The following HACE1 variants were observed in gnomAD, a reference collection of about 807,000 sequenced individuals.
HACE1 encodes the protein HECT domain and ankyrin repeat containing E3 ubiquitin protein ligase 1, also known as E3 ubiquitin-protein ligase HACE1.
HACE1 carries 73 observed loss-of-function variants against 118.4 expected under a neutral mutation model. The ratio of observed to expected loss-of-function variants is 0.62; its 90% CI spans 0.51 to 0.75. HACE1 has a LOEUF of 0.75. Among genes scored for constraint, HACE1 ranks in the 30% least tolerant of loss-of-function variants. HACE1 has a pLI of 0.00. For synonymous variants in HACE1, 368 were observed against 374.8 expected (o/e 0.98, Z 0.21); for missense variants, 749 against 1,102.2 (o/e 0.68, Z 4.54).
chr6:104,738,560 G>T (rs1776220623), intron 22 of HACE1, among the ~76,000 whole-genome samples: 1 of 149,456 alleles, frequency 6.7e-6, no homozygotes, highest in Non-Finnish European at 1.5e-5. Context: ...CAGGAAGAAA[G>T]GGTATCAGCG....
chr6:104,730,006 T>C (rs1412242776), intron 23 of HACE1, among the ~76,000 whole-genome samples: 2 of 152,108 alleles, frequency 1.3e-5, no homozygotes, highest in Non-Finnish European at 2.9e-5. Context: ...AAATAAGCAA[T>C]AGGGCAATTT....
intron 4 of HACE1, among the ~76,000 whole-genome samples, chr6:104,844,955 C>T (rs1775504637): frequency 6.6e-6 from 1 of 152,152 alleles, no homozygotes; most frequent in East Asian, 1.9e-4. Flanking sequence ...TGAGCCACCA[C>T]ACCCGGCCCC....
At chr6:104,766,359 T>G (rs981030876) in intron 19 of HACE1, among the ~76,000 whole-genome samples, 2 of 152,156 alleles carry the variant, frequency 1.3e-5, no homozygotes, top group Admixed American at 6.5e-5. Context: ...CCCCTGGTCA[T>G]ATGAGATCAG....
chr6:104,810,569 G>C (rs544333203), intron 7 of HACE1, among the ~76,000 whole-genome samples: 1 of 152,178 alleles, frequency 6.6e-6, no homozygotes, highest in South Asian at 2.1e-4. Flanking sequence ...ATATGTAGGT[G>C]TGTATATATT....
rs1243199488 is a variant in HACE1 at position 104,729,288 on chromosome 6, T to A, written c.*374A>T. 4.2e-6 allele frequency: 1 copy of A among 238,364 alleles called. No individual in the cohort carries two copies. The highest frequency in any genetic ancestry group is 2.3e-5 in the African/African-American group (1 of 42,912). 14.8% of individuals were successfully genotyped at this position (238,364 alleles called of 1,614,324 possible). A position where few individuals can be genotyped will look rare whatever the true frequency, so the allele number is the denominator to read the frequency against. On this transcript the variant is annotated 3_prime_UTR_variant, in exon 24 of 24. Coordinates refer to ENST00000262903, the MANE Select transcript of HACE1 (RefSeq NM_020771.4). ...AACACACCAGCTGGATGACCTCATATAATATATCAGAAATTAGGAGAAAAC... is the reference window on the plus strand; with the variant it reads ...AACACACCAGCTGGATGACCTCATAAAATATATCAGAAATTAGGAGAAAAC...
chr6:104,831,632 G>A (rs1338874495), intron 6 of HACE1, among the ~76,000 whole-genome samples: 34 of 150,134 alleles, frequency 2.3e-4, no homozygotes, highest in Non-Finnish European at 4.4e-5. Flanking sequence ...GGTGGCTCAC[G>A]CCTGTAATCC....
At position 104,774,333 on chromosome 6, in the gene HACE1, G is replaced by A. The variant is rs1203120194; in HGVS notation, c.1865-2259C>T. On this transcript the variant is annotated intron_variant, in intron 17 of 23. Transcript: ENST00000262903. The stretch of plus-strand genomic sequence containing the variant: ...TCTCGATCTCCTGACCTCGTGATCC[G>A]CCCGCCTCGGCCTCCCAAAGTGCTG... 2.3e-4 allele frequency among the ~76,000 whole-genome samples: 25 copies of A among 110,228 alleles called. 3 individuals are homozygous for A. The highest frequency in any genetic ancestry group is 1.7e-3 in the Admixed American group (19 of 11,388). 72.3% of individuals were successfully genotyped at this position (110,228 alleles called of 152,430 possible).
chr6:104,764,947 G>A (rs1779813245), intron 19 of HACE1, among the ~76,000 whole-genome samples: 1 of 152,112 alleles, frequency 6.6e-6, no homozygotes, highest in Non-Finnish European at 1.5e-5. Context: ...CCAAGCACTG[G>A]CAACAGCATA....
intron 4 of HACE1, among the ~76,000 whole-genome samples, chr6:104,844,414 G>A (rs548323739): frequency 1.6e-4 from 24 of 151,040 alleles, no homozygotes; most frequent in Admixed American, 2.6e-4. Context: ...TGCGATCTCG[G>A]CTCACTGCAA....
intron 17 of HACE1, among the ~76,000 whole-genome samples, chr6:104,772,506 A>C (rs952769123): frequency 2.0e-5 from 3 of 152,194 alleles, no homozygotes; most frequent in Non-Finnish European, 4.4e-5. Context: ...CCAGTGCAGT[A>C]AGTATTTGCT....
At position 104,729,026 on chromosome 6, in the gene HACE1, G is replaced by T. The variant is rs1008936601; in HGVS notation, c.*636C>A. The stretch of plus-strand genomic sequence containing the variant: ...TATGGAAAACTGGCCACTGAAAGAT[G>T]CAAATAATTCATACAATATAGCGTA... On this transcript the variant is annotated 3_prime_UTR_variant, in exon 24 of 24. Coordinates refer to ENST00000262903, the MANE Select transcript of HACE1 (RefSeq NM_020771.4). 1.3e-5 allele frequency: 2 copies of T among 152,334 alleles called. No homozygotes were observed. The highest frequency in any genetic ancestry group is 4.8e-5 in the African/African-American group (2 of 41,364). 9.4% of individuals were successfully genotyped at this position (152,334 alleles called of 1,614,324 possible). A position where few individuals can be genotyped will look rare whatever the true frequency, so the allele number is the denominator to read the frequency against.
At chr6:104,849,941 C>T (rs932793626) in intron 3 of HACE1, among the ~76,000 whole-genome samples, 2 of 144,852 alleles carry the variant, frequency 1.4e-5, no homozygotes, top group African/African-American at 5.0e-5. Context: ...TAAGCCACCA[C>T]GCCCGTCCTT....
chr6:104,856,097 C>T (rs1045280734), intron 1 of HACE1, among the ~76,000 whole-genome samples: 2 of 152,162 alleles, frequency 1.3e-5, no homozygotes, highest in Non-Finnish European at 2.9e-5. Context: ...TTGCCAGATA[C>T]TTCCTTGTCT....
intron 5 of HACE1, among the ~76,000 whole-genome samples, chr6:104,838,553 T>C (rs1774772505): frequency 6.6e-6 from 1 of 151,902 alleles, no homozygotes; most frequent in Non-Finnish European, 1.5e-5. Context: ...TATACAAAAA[T>C]CAAACAAAAA....
Position 104,744,550 on chromosome 6 carries a change from A to T in HACE1, c.2404T>A (p.Tyr802Asn). 6.2e-7 allele frequency: 1 copy of T among 1,603,562 alleles called. No individual in the cohort carries two copies. Residue 802 changes from tyrosine to asparagine, a missense_variant, in exon 21 of 24, where the codon TAC becomes AAC. Tyr to Asn is a moderately radical substitution (Grantham distance 143, BLOSUM62 -2). This residue lies in a region of HACE1 where 165 missense variants were observed against 229.9 expected (regional missense o/e 0.72). Transcript: ENST00000262903. ...DVSDWIKNTE[Y>N]TSGYEREDPV... ...TCTTCTCTTTCATAGCCACTTGTGT[A>T]TTCTGTATTTTTTATCCAATCACTC...
At chr6:104,784,231 T>C in intron 13 of HACE1, 58 bp from the exon 14 acceptor site, 1 of 1,014,876 alleles carries the variant, frequency 9.9e-7, no homozygotes, top group Non-Finnish European at 1.6e-6. Flanking sequence ...TTAAGTGAAA[T>C]GCAAATTCAG....
chr6:104,846,620 G>C (rs1337018351), intron 4 of HACE1, among the ~76,000 whole-genome samples: 1 of 152,170 alleles, frequency 6.6e-6, no homozygotes, highest in Non-Finnish European at 1.5e-5. Flanking sequence ...GAGAAATATA[G>C]CAGCCATCTG....
chr6:104,746,182 T>C (rs1777404704), intron 20 of HACE1, among the ~76,000 whole-genome samples: 1 of 152,254 alleles, frequency 6.6e-6, no homozygotes, highest in Non-Finnish European at 1.5e-5. Context: ...TTTACATTTC[T>C]GTTTTAATTT....
chr6:104,851,548 C>T (rs1164856254), intron 2 of HACE1, among the ~76,000 whole-genome samples: 3 of 152,180 alleles, frequency 2.0e-5, no homozygotes, highest in Non-Finnish European at 2.9e-5. Context: ...CCTATGTTAC[C>T]TGCTCTTAGG....
Sources: gnomAD v4.1 joint callset for allele counts (sites outside exome capture counted in the v4.1 genomes callset) on GRCh38, gnomAD v4.1.1 for gene constraint, gnomAD v4.1.1 regional missense constraint, MANE v1.5 for transcripts, NCBI Gene and HGNC (gene_info 2026-07-23, HGNC 2026-07-21) for gene names.